Variants in TEC observed in about 807,000 individuals in gnomAD.
TEC encodes the protein tec protein tyrosine kinase.
In TEC, 72 loss-of-function variants were observed where a neutral mutation model predicts 93.0. That is an observed-to-expected ratio of 0.77 (90% confidence interval 0.64 to 0.94). The LOEUF (loss-of-function observed/expected upper bound fraction) is 0.94. TEC is among the 40% of genes least tolerant of loss of function. TEC has a pLI of 0.00. For missense variants in TEC, 630 were observed against 757.9 expected, an observed-to-expected ratio of 0.83 and a Z score of 1.98; for synonymous variants, 249 against 247.7, an observed-to-expected ratio of 1.01 and a Z score of -0.05.
At chr4:48,186,750 C>T (rs553842732) in intron 2 of TEC, among the ~76,000 whole-genome samples, 68 of 151,712 alleles carry the variant, frequency 4.5e-4, no homozygotes, top group Non-Finnish European at 8.7e-4. Flanking sequence ...TCAGCCGCCC[C>T]GTCCGGGAGG....
chr4:48,195,105 T>C (rs1459330716), intron 2 of TEC, among the ~76,000 whole-genome samples: 1 of 152,210 alleles, frequency 6.6e-6, no homozygotes, highest in Non-Finnish European at 1.5e-5. Context: ...AGATGAATAC[T>C]GAACCATCTG....
intron 2 of TEC, among the ~76,000 whole-genome samples, chr4:48,213,598 A>G (rs984399184): frequency 4.6e-5 from 7 of 152,212 alleles, no homozygotes; most frequent in Admixed American, 3.3e-4. Flanking sequence ...CACGTACCTG[A>G]CCAGCATCAA....
chr4:48,175,332 TC>T (rs1721278773), intron 3 of TEC, among the ~76,000 whole-genome samples: 1 of 152,206 alleles, frequency 6.6e-6, no homozygotes, highest in Admixed American at 6.5e-5. Context: ...TTTGCAACTT[TC>T]CTTTCAGGAC....
intron 2 of TEC, among the ~76,000 whole-genome samples, chr4:48,189,602 T>A (rs1358630902): frequency 6.6e-6 from 1 of 152,200 alleles, no homozygotes; most frequent in Non-Finnish European, 1.5e-5. Context: ...GAATGGTGCA[T>A]GGGGAAATGT....
intron 2 of TEC, among the ~76,000 whole-genome samples, chr4:48,179,338 GTATATATA>G (rs61241595): frequency 0.024 from 1,254 of 51,266 alleles, 24 homozygotes; most frequent in East Asian, 0.049. Context: ...GACGTGGGTA[GTATATATA>G]TATATATATA....
At chr4:48,234,990 T>C (rs1478962380) in intron 1 of TEC, among the ~76,000 whole-genome samples, 2 of 152,072 alleles carry the variant, frequency 1.3e-5, no homozygotes, top group African/African-American at 2.4e-5. Context: ...TAGCCTCTAC[T>C]CTGTAAAATA....
At position 48,167,904 on chromosome 4, in the gene TEC, T is replaced by C; in HGVS notation, c.545A>G (p.Glu182Gly). The change falls in exon 7 of 18, where the codon GAA becomes GGA. Residue 182 changes from glutamate to glycine, a missense_variant. Physicochemically the swap from Glu to Gly is moderately conservative, Grantham distance 98. Coordinates refer to ENST00000381501, the MANE Select transcript of TEC (RefSeq NM_003215.3). The stretch of plus-strand genomic sequence containing the variant: ...GAAATCATACATGGCTACAACGATT[T>C]CTTCACTATTATCTTCTTCTTCTAG... Reference protein sequence around the residue: ...IPLEEEDNSEEIVVAMYDFQA... With the variant: ...IPLEEEDNSEGIVVAMYDFQA... 1 of 1,613,906 alleles carries C rather than the reference T, an allele frequency of 6.2e-7. No homozygotes were observed. The highest frequency in any genetic ancestry group is 1.3e-5 in the African/African-American group (1 of 74,994).
chr4:48,163,791 G>C (rs1384546390), intron 7 of TEC, 24 bp from the exon 8 acceptor site: 1 of 1,320,880 alleles, frequency 7.6e-7, no homozygotes, highest in Non-Finnish European at 1.0e-6. Flanking sequence ...AAATACTTTA[G>C]GTAAACTTAC....
chr4:48,243,465 G>A (rs761458203), intron 1 of TEC, among the ~76,000 whole-genome samples: 6 of 152,174 alleles, frequency 3.9e-5, no homozygotes, highest in Admixed American at 6.5e-5. Flanking sequence ...TTCCTTACAC[G>A]CAGCAAACAC....
At chr4:48,264,172 A>AT (rs1724572004) in intron 1 of TEC, among the ~76,000 whole-genome samples, 1 of 152,194 alleles carries the variant, frequency 6.6e-6, no homozygotes, top group South Asian at 2.1e-4. Context: ...AAATAATCTG[A>AT]TTTACACCAT....
chr4:48,185,142 G>A (rs1246862634), intron 2 of TEC, among the ~76,000 whole-genome samples: 3 of 152,186 alleles, frequency 2.0e-5, no homozygotes, highest in African/African-American at 4.8e-5. Flanking sequence ...TATTTACAAT[G>A]AAAGTTCGGG....
intron 1 of TEC, among the ~76,000 whole-genome samples, chr4:48,251,781 C>A (rs1577672032): frequency 6.6e-6 from 1 of 151,974 alleles, no homozygotes; most frequent in Non-Finnish European, 1.5e-5. Context: ...ATGACAAGAT[C>A]AAAACTTTAT....
chr4:48,243,399 A>T (rs1723971181), intron 1 of TEC, among the ~76,000 whole-genome samples: 1 of 152,250 alleles, frequency 6.6e-6, no homozygotes, highest in Non-Finnish European at 1.5e-5. Context: ...AATGAGGATG[A>T]TGATGATACC....
intron 2 of TEC, among the ~76,000 whole-genome samples, chr4:48,216,502 T>C (rs550044603): frequency 1.1e-5 from 1 of 93,712 alleles, no homozygotes; most frequent in African/African-American, 4.4e-5. Flanking sequence ...TCAAATGTAG[T>C]TCTTTTTTAA....
At chr4:48,199,660 G>GGCCA (rs2109593909) in intron 2 of TEC, among the ~76,000 whole-genome samples, 1 of 151,680 alleles carries the variant, frequency 6.6e-6, no homozygotes, top group Admixed American at 6.6e-5. Flanking sequence ...GTAGAAATGA[G>GGCCA]GTTTCACCAC....
At chr4:48,151,139 G>A (rs1200328163) in intron 9 of TEC, among the ~76,000 whole-genome samples, 197 bp from the exon 10 acceptor site, 2 of 152,042 alleles carry the variant, frequency 1.3e-5, no homozygotes, top group Non-Finnish European at 2.9e-5. Flanking sequence ...AAATTACTGC[G>A]CTAGGAGAGT....
intron 1 of TEC, 112 bp from the exon 2 acceptor site, chr4:48,228,771 A>C (rs1193924504): frequency 7.0e-6 from 6 of 851,700 alleles, no homozygotes. Context: ...GCAGATGAGT[A>C]TTGATCTCTG....
At chr4:48,223,874 G>A (rs967205588) in intron 2 of TEC, among the ~76,000 whole-genome samples, 1 of 152,180 alleles carries the variant, frequency 6.6e-6, no homozygotes, top group Non-Finnish European at 1.5e-5. Context: ...TAGGACACCT[G>A]TGTGATCAGC....
intron 2 of TEC, among the ~76,000 whole-genome samples, chr4:48,189,728 A>G (rs1722025524): frequency 6.6e-6 from 1 of 152,256 alleles, no homozygotes. Context: ...ATACTAAATC[A>G]TAGTATCTGA....
Sources: gnomAD v4.1 joint callset for allele counts (sites outside exome capture counted in the v4.1 genomes callset) on GRCh38, gnomAD v4.1.1 for gene constraint, MANE v1.5 for transcripts, NCBI Gene and HGNC (gene_info 2026-07-23, HGNC 2026-07-21) for gene names.